Variants in CAMTA1 observed in about 807,000 individuals in gnomAD.
CAMTA1 encodes calmodulin binding transcription activator 1.
A neutral mutation model predicts 170.9 loss-of-function variants in CAMTA1; 27 were observed. That is an observed-to-expected ratio of 0.16 (90% CI 0.12 to 0.22). The LOEUF is 0.22. Ranked by LOEUF, CAMTA1 falls within the 10% of genes least tolerant of loss-of-function variation. The probability of loss-of-function intolerance (pLI) is 1.00; values close to 1 mark genes in which losing one functional copy is unlikely to be tolerated. For missense variants in CAMTA1, 1,619 were observed against 2,217.2 expected, an observed-to-expected ratio of 0.73 and a Z score of 5.42; for synonymous variants, 833 against 891.5, an observed-to-expected ratio of 0.93 and a Z score of 1.17.
intron 6 of CAMTA1, among the ~76,000 whole-genome samples, chr1:7,529,590 G>A (rs982798955): frequency 5.3e-5 from 8 of 152,140 alleles, no homozygotes; most frequent in African/African-American, 1.7e-4. Flanking sequence ...GGCAGGCCCC[G>A]AGTCCACGTT....
chr1:7,438,940 C>G (rs1198736604), intron 5 of CAMTA1, among the ~76,000 whole-genome samples: 2 of 152,232 alleles, frequency 1.3e-5, no homozygotes, highest in African/African-American at 4.8e-5. Context: ...CTCTGAGAGT[C>G]CTGGGTGCGG....
chr1:7,693,896 T>C (rs1200888749), intron 11 of CAMTA1: 1 of 152,246 alleles, frequency 6.6e-6, no homozygotes, highest in Non-Finnish European at 1.5e-5. Flanking sequence ...ACATTGTTGG[T>C]CTTTCTGGCA....
intron 5 of CAMTA1, among the ~76,000 whole-genome samples, chr1:7,368,676 C>A (rs1205048195): frequency 6.6e-6 from 1 of 152,182 alleles, no homozygotes; most frequent in Non-Finnish European, 1.5e-5. Flanking sequence ...TCTCGTCTGC[C>A]CTCCCCTAAG....
At chr1:7,364,868 G>GATGA (rs1483786381) in intron 5 of CAMTA1, among the ~76,000 whole-genome samples, 51 of 152,332 alleles carry the variant, frequency 3.3e-4, no homozygotes, top group Admixed American at 2.8e-3. Context: ...TGAGTGAATG[G>GATGA]ATGAATGAAT....
intron 5 of CAMTA1, among the ~76,000 whole-genome samples, chr1:7,370,952 C>T (rs191918837): frequency 8.2e-6 from 1 of 121,670 alleles, no homozygotes; most frequent in Non-Finnish European, 1.6e-5. Context: ...CACTCTGTCG[C>T]CCAGGCTGGA....
At chr1:7,029,382 G>T (rs1035469907) in intron 3 of CAMTA1, among the ~76,000 whole-genome samples, 1 of 150,036 alleles carries the variant, frequency 6.7e-6, no homozygotes, top group Non-Finnish European at 1.5e-5. Flanking sequence ...GGTGCCTGTA[G>T]TCCCAGCTAC....
chr1:7,404,423 C>T (rs1168706803), intron 5 of CAMTA1, among the ~76,000 whole-genome samples: 1 of 152,254 alleles, frequency 6.6e-6, no homozygotes, highest in African/African-American at 2.4e-5. Flanking sequence ...TGGTCACCCC[C>T]AAGTGTCCAC....
intron 3 of CAMTA1, among the ~76,000 whole-genome samples, chr1:6,973,093 C>A (rs1692818261): frequency 6.7e-6 from 1 of 149,144 alleles, no homozygotes; most frequent in South Asian, 2.1e-4. Flanking sequence ...CTCAGGTGAT[C>A]CATCCACCTC....
chr1:7,099,910 C>T (rs986948802), intron 4 of CAMTA1, among the ~76,000 whole-genome samples: 34 of 152,222 alleles, frequency 2.2e-4, no homozygotes, highest in African/African-American at 8.0e-4. Flanking sequence ...TTTCCGAGTT[C>T]GGAGTCTTTC....
intron 5 of CAMTA1, among the ~76,000 whole-genome samples, chr1:7,290,453 T>C (rs1672962286): frequency 6.6e-6 from 1 of 152,212 alleles, no homozygotes; most frequent in Non-Finnish European, 1.5e-5. Flanking sequence ...GCTTTCCACC[T>C]GGGCAGGGGA....
In CAMTA1 at chr1:6,971,887, A is replaced by G. The variant is rs775742990; in HGVS notation, c.235-119417A>G. 3.9e-5 allele frequency among the ~76,000 whole-genome samples: 6 copies of G among 152,166 alleles called. No individual in the cohort carries two copies. Among genetic ancestry groups the G allele is most frequent in the Non-Finnish European group, 7.4e-5 (5 of 68,020 alleles). ...CAGCAAGGCCCGTCAGCCTCCCCAA[A>G]AAGCCAGAGCTGGCCTGGAGAGAGG... On this transcript the variant is annotated intron_variant, in intron 3 of 22. Coordinates refer to ENST00000303635, the MANE Select transcript of CAMTA1 (RefSeq NM_015215.4). This position sits in a 1 kb window ranked among gnomAD's most constrained non-coding sequence, Gnocchi z 4.6.
chr1:7,645,549 C>T (rs764027759), intron 7 of CAMTA1, among the ~76,000 whole-genome samples: 6 of 152,282 alleles, frequency 3.9e-5, no homozygotes, highest in African/African-American at 7.2e-5. Flanking sequence ...GGAGGCTCCT[C>T]TTGGAGTGCC....
rs1326616071 is a variant in CAMTA1 at position 7,746,012 on chromosome 1, A to G, written c.4538A>G (p.Gln1513Arg). ...TSEKVENEFA[Q>R]LTLSDHEQRE... ...GAGAAGGTAGAGAATGAGTTTGCTC[A>G]GCTCACTCTGTCTGATCATGAACAG... The change falls in exon 18 of 23, where the codon CAG becomes CGG. Residue 1513 changes from glutamine (Q) to arginine (R), a missense_variant. By Grantham distance (43) the Gln-to-Arg change is conservative. Transcript: ENST00000303635. 6.2e-7 allele frequency: 1 copy of G among 1,614,108 alleles called. No individual in the cohort carries two copies. Among genetic ancestry groups the G allele is most frequent in the African/African-American group, 1.3e-5 (1 of 74,940 alleles).
intron 5 of CAMTA1, among the ~76,000 whole-genome samples, chr1:7,403,407 G>A (rs2090055952): frequency 6.6e-6 from 1 of 152,112 alleles, no homozygotes; most frequent in Non-Finnish European, 1.5e-5. Context: ...AGTGAGGGAG[G>A]CAGATACAAA....
intron 6 of CAMTA1, among the ~76,000 whole-genome samples, chr1:7,500,809 C>T (rs1022104352): frequency 6.6e-6 from 1 of 152,066 alleles, no homozygotes; most frequent in Non-Finnish European, 1.5e-5. Context: ...TCCTTTGCTG[C>T]CTTAAAGCAG....
At chr1:7,275,679 A>AT (rs1435523185) in intron 5 of CAMTA1, among the ~76,000 whole-genome samples, 1 of 152,162 alleles carries the variant, frequency 6.6e-6, no homozygotes, top group Non-Finnish European at 1.5e-5. Context: ...AAATGGACAA[A>AT]TTTCTTAAAA....
At chr1:7,454,367 C>T (rs936094324) in intron 5 of CAMTA1, among the ~76,000 whole-genome samples, 3 of 152,206 alleles carry the variant, frequency 2.0e-5, no homozygotes, top group African/African-American at 7.2e-5. Context: ...TTGTGTTTAT[C>T]GAAGACCTTT....
chr1:7,706,886 CTTT>C (rs139511207), intron 11 of CAMTA1, among the ~76,000 whole-genome samples: 5 of 132,180 alleles, frequency 3.8e-5, no homozygotes, highest in African/African-American at 8.5e-5. Context: ...TCAGGCTATT[CTTT>C]TTTTTTTTTT....
chr1:6,905,373 T>C (rs925280073), intron 3 of CAMTA1, among the ~76,000 whole-genome samples: 3 of 151,170 alleles, frequency 2.0e-5, no homozygotes, highest in Admixed American at 2.0e-4. Flanking sequence ...TTTGTGTTTT[T>C]AGTAGAGACA....
Sources: allele counts gnomAD v4.1 joint callset (sites outside exome capture counted in the v4.1 genomes callset), GRCh38; gene constraint gnomAD v4.1.1; non-coding constraint Gnocchi (gnomAD v3.1); transcripts MANE v1.5; gene names NCBI Gene and HGNC (gene_info 2026-07-23, HGNC 2026-07-21).